The following SH3KBP1 variants were observed in gnomAD, a reference collection of about 807,000 sequenced individuals.
SH3KBP1 encodes the protein SH3 domain-containing kinase-binding protein 1.
In SH3KBP1, 8 loss-of-function variants were observed where a neutral mutation model predicts 50.1. The ratio of observed to expected loss-of-function variants is 0.16; its 90% CI spans 0.09 to 0.29. The LOEUF (loss-of-function observed/expected upper bound fraction) is 0.29, where lower values mean the gene tolerates loss of function less well. Ranked by LOEUF, SH3KBP1 falls within the 10% of genes least tolerant of loss-of-function variation. The probability of loss-of-function intolerance (pLI) is 1.00; values close to 1 mark genes in which losing one functional copy is unlikely to be tolerated. For missense variants in SH3KBP1, 377 were observed against 535.2 expected (o/e 0.70, Z 2.92); for synonymous variants, 227 against 218.6 (o/e 1.04, Z -0.34).
intron 1 of SH3KBP1, among the ~76,000 whole-genome samples, chrX:19,886,018 AC>A (rs1250308777): frequency 9.0e-6 from 1 of 111,507 alleles, no homozygotes. Context: ...TAATACTGCT[AC>A]GAAAAAAAAA....
At chrX:19,611,215 C>T (rs759191162) in intron 8 of SH3KBP1, among the ~76,000 whole-genome samples, 2 of 111,459 alleles carry the variant, frequency 1.8e-5, no homozygotes, top group South Asian at 3.8e-4. Flanking sequence ...TAAATCCATG[C>T]TTCATCTTAG....
intron 4 of SH3KBP1, among the ~76,000 whole-genome samples, chrX:19,697,404 C>T (rs1329418957): frequency 1.8e-5 from 2 of 112,182 alleles, no homozygotes; most frequent in African/African-American, 6.5e-5. Context: ...AAATGAACCC[C>T]GTTTTATTCC....
chrX:19,765,311 A>C (rs1201218144), intron 2 of SH3KBP1, among the ~76,000 whole-genome samples: 1 of 111,292 alleles, frequency 9.0e-6, no homozygotes, highest in African/African-American at 3.3e-5. Flanking sequence ...AGAAATCCAG[A>C]AACTGTCTTA....
In SH3KBP1 at chrX:19,665,550, T is replaced by C. The variant is rs375286467; in HGVS notation, c.726+18273A>G. Among the ~76,000 whole-genome samples the C allele has an allele frequency of 1.3e-3, 148 of 112,081 alleles. 7 individuals carry two copies. The South Asian group carries it at 0.055, about 41-fold the overall frequency. ...GAAAAATATCTATTAGAGGTGTAAG[T>C]ATAGCTTATTGTGATGTTTCCATTT... On this transcript the variant is annotated intron_variant, in intron 6 of 17. Transcript: ENST00000397821.
rs754002207 is a variant in SH3KBP1, at chrX:19,701,474, T to C, written c.390+5407A>G. The stretch of plus-strand genomic sequence containing the variant: ...TCTACACCTAAAGTATTAGGGGAGG[T>C]CTGCATTAGGGGAGGTCCCAAAGTT... On this transcript the variant is annotated intron_variant, in intron 4 of 17. Transcript: ENST00000397821. 1.3e-4 allele frequency among the ~76,000 whole-genome samples: 14 copies of C among 110,193 alleles called. No individual in the cohort carries two copies. The East Asian group carries it at 4.0e-3, about 32-fold the overall frequency.
chrX:19,583,460 T>C (rs1046608596), intron 12 of SH3KBP1, among the ~76,000 whole-genome samples: 133 of 111,597 alleles, frequency 1.2e-3, no homozygotes, highest in Non-Finnish European at 1.8e-3. Flanking sequence ...CAGCCCACCA[T>C]TGAATTTTTA....
intron 1 of SH3KBP1, among the ~76,000 whole-genome samples, chrX:19,854,264 T>C (rs1295104915): frequency 9.1e-6 from 1 of 110,489 alleles, no homozygotes; most frequent in Non-Finnish European, 1.9e-5. Context: ...TACAGGCATG[T>C]GCCATCACGC....
intron 2 of SH3KBP1, among the ~76,000 whole-genome samples, chrX:19,759,571 A>G (rs1368252564): frequency 8.9e-6 from 1 of 112,049 alleles, no homozygotes; most frequent in African/African-American, 3.2e-5. Context: ...AAACAATGCC[A>G]TTTCATGCTC....
At chrX:19,670,861 C>T (rs866130719) in intron 6 of SH3KBP1, 1 of 948,719 alleles carries the variant, frequency 1.1e-6, no homozygotes, top group Admixed American at 3.1e-5. Flanking sequence ...AAAAGAAATA[C>T]CTCTTCTCCC....
At chrX:19,540,564 G>T (rs2064855057) in intron 16 of SH3KBP1, among the ~76,000 whole-genome samples, 1 of 111,218 alleles carries the variant, frequency 9.0e-6, no homozygotes, top group Admixed American at 9.5e-5. Flanking sequence ...ACACATTAGG[G>T]CCCTCAAGCC....
chrX:19,754,160 A>G (rs1463393401), intron 2 of SH3KBP1, among the ~76,000 whole-genome samples: 1 of 112,364 alleles, frequency 8.9e-6, no homozygotes, highest in Non-Finnish European at 1.9e-5. Context: ...ATAAGAAAAT[A>G]ACAAGAACAT....
chrX:19,836,398 T>G, intron 1 of SH3KBP1, 116 bp from the exon 2 acceptor site: 1 of 670,333 alleles, frequency 1.5e-6, no homozygotes, highest in Non-Finnish European at 2.3e-6. Context: ...CTACAAATAT[T>G]CAAAATAACA....
chrX:19,563,309 C>A (rs780806517), intron 13 of SH3KBP1, among the ~76,000 whole-genome samples: 12 of 112,239 alleles, frequency 1.1e-4, no homozygotes, highest in Non-Finnish European at 1.3e-4. Flanking sequence ...GGATGCCTTT[C>A]GAAATGAGTG....
intron 3 of SH3KBP1, among the ~76,000 whole-genome samples, chrX:19,743,842 T>C (rs1421354329): frequency 1.8e-5 from 2 of 112,822 alleles, no homozygotes; most frequent in African/African-American, 3.2e-5. Flanking sequence ...CAATCTTTCA[T>C]TATTAATCCA....
rs371094008 is a variant in SH3KBP1, at chrX:19,780,765, G to A, written c.163-34324C>T. On this transcript the variant is annotated intron_variant, in intron 2 of 17. Coordinates refer to ENST00000397821, the MANE Select transcript of SH3KBP1 (RefSeq NM_031892.3). ...GATCAGATAGTTGTAGACATGCGGC[G>A]TTATTTCTGAGGGCTCTGTTCTGTT... 7.1e-3 allele frequency among the ~76,000 whole-genome samples: 784 copies of A among 109,756 alleles called. 3 individuals are homozygous for A. The highest frequency in any genetic ancestry group is 0.011 in the Non-Finnish European group (562 of 52,622).
At chrX:19,756,170 A>G (rs949093846) in intron 2 of SH3KBP1, among the ~76,000 whole-genome samples, 1 of 111,280 alleles carries the variant, frequency 9.0e-6, no homozygotes, top group Non-Finnish European at 1.9e-5. Context: ...ACACAGAAGG[A>G]CCCTGTATCA....
chrX:19,836,050 C>T (rs935050000), intron 2 of SH3KBP1, 75 bp downstream of exon 2: 4 of 985,160 alleles, frequency 4.1e-6, no homozygotes, highest in Non-Finnish European at 4.3e-6. Flanking sequence ...TGCAATTCAT[C>T]CTCAAGCGCC....
intron 8 of SH3KBP1, among the ~76,000 whole-genome samples, chrX:19,619,389 C>T (rs746360943): frequency 1.8e-5 from 2 of 112,707 alleles, no homozygotes; most frequent in African/African-American, 6.4e-5. Flanking sequence ...TTTAAGTATT[C>T]CAAGAGACGT....
At chrX:19,779,015 G>A (rs961909512) in intron 2 of SH3KBP1, among the ~76,000 whole-genome samples, 14 of 109,086 alleles carry the variant, frequency 1.3e-4, no homozygotes, top group Non-Finnish European at 2.5e-4. Context: ...GATGGAGGTG[G>A]CTGGGTGCAG....
Sources: gnomAD v4.1 joint callset for allele counts (sites outside exome capture counted in the v4.1 genomes callset) on GRCh38, gnomAD v4.1.1 for gene constraint, MANE v1.5 for transcripts, NCBI Gene and HGNC (gene_info 2026-07-23, HGNC 2026-07-21) for gene names.